AFAP1L2: variants seen among roughly 807,000 people sequenced by gnomAD.
The protein encoded by AFAP1L2 is actin filament associated protein 1 like 2.
AFAP1L2 carries 46 observed loss-of-function variants against 99.3 expected under a neutral mutation model. That is an observed-to-expected ratio of 0.46 (90% CI 0.37 to 0.59). AFAP1L2 has a LOEUF of 0.59. AFAP1L2 is among the 20% of genes least tolerant of loss of function. The pLI is 0.00. For missense variants in AFAP1L2, 959 were observed against 1,034.9 expected, an observed-to-expected ratio of 0.93 and a Z score of 1.01; for synonymous variants, 397 against 419.1, an observed-to-expected ratio of 0.95 and a Z score of 0.64.
At chr10:114,306,021 G>C (rs151145908) in intron 10 of AFAP1L2, among the ~76,000 whole-genome samples, 2 of 110,242 alleles carry the variant, frequency 1.8e-5, no homozygotes, top group Middle Eastern at 4.6e-3. Flanking sequence ...AGGAGGGGAC[G>C]CAGATGCAGG....
At chr10:114,395,824 A>ACCAGACGCGGGCCTTGGGGCTGCC (rs372646552) in intron 1 of AFAP1L2, among the ~76,000 whole-genome samples, 2,527 of 152,148 alleles carry the variant, frequency 0.017, 85 homozygotes, top group African/African-American at 0.056. Context: ...TTGCACTCAA[A>ACCAGACGCGGGCCTTGGGGCTGCC]CCAGACGCGG....
chr10:114,301,343 C>G lies in AFAP1L2; in HGVS notation c.1542+11G>C. ...GGAGAGGCCCAGGCCACTGCCTGGC[C>G]GGGTCCTTACCGCAGCTGTGAGCTC... On this transcript the variant is annotated intron_variant, in intron 13 of 18. Transcript: ENST00000304129. The G allele has an allele frequency of 6.2e-7, 1 of 1,609,396 alleles. No homozygotes were observed.
downstream of AFAP1L2, among the ~76,000 whole-genome samples, chr10:114,294,617 T>G (rs1188578919): frequency 6.6e-6 from 1 of 152,218 alleles, no homozygotes; most frequent in African/African-American, 2.4e-5. Context: ...TATGATCAAT[T>G]TCTGCAGATG....
chr10:114,310,955 A>T lies in AFAP1L2; in HGVS notation c.793-512T>A, dbSNP rs967866578. Among the ~76,000 whole-genome samples the T allele has an allele frequency of 3.8e-5, 5 of 130,440 alleles. No homozygotes were observed. The South Asian group carries it at 1.3e-3, about 34-fold the overall frequency. The allele number at this position is 130,440 out of a possible 152,430, so 85.6% of individuals were successfully genotyped here. ...TGGCTCTCCCGACTCGCCTGCCGCC[A>T]CCCACCCGCCCGCCCGCCTCTGGGA... On this transcript the variant is annotated intron_variant, in intron 7 of 18. Coordinates refer to ENST00000304129, the MANE Select transcript of AFAP1L2 (RefSeq NM_001001936.3).
chr10:114,303,069 G>C (rs2041508923), intron 11 of AFAP1L2, among the ~76,000 whole-genome samples: 1 of 151,804 alleles, frequency 6.6e-6, no homozygotes, highest in South Asian at 2.1e-4. Flanking sequence ...TTTTTTTCCA[G>C]GGGACAATGC....
In AFAP1L2 at chr10:114,300,343, G is replaced by C; in HGVS notation, c.1808C>G (p.Pro603Arg). 1 of 1,614,194 alleles carries C rather than the reference G, an allele frequency of 6.2e-7. No individual in the cohort carries two copies. The highest frequency in any genetic ancestry group is 8.5e-7 in the Non-Finnish European group (1 of 1,180,022). ...GGTGATTCTCAGGGAAGGATCCTCTGGCTCCAAACTCTCCAGCTGCTTTGG... is the reference window on the plus strand; with the variant it reads ...GGTGATTCTCAGGGAAGGATCCTCTCGCTCCAAACTCTCCAGCTGCTTTGG... ...LGEQQLESLE[P>R]EDPSLRITTV... Residue 603 changes from proline to arginine, a missense_variant, in exon 15 of 19, where the codon CCA (proline) becomes CGA (arginine). This residue lies in a region of AFAP1L2 where 576 missense variants were observed against 562.1 expected (regional missense o/e 1.02). Transcript: ENST00000304129.
intron 2 of AFAP1L2, among the ~76,000 whole-genome samples, chr10:114,339,676 A>T (rs980779899): frequency 5.3e-5 from 8 of 152,098 alleles, no homozygotes; most frequent in Non-Finnish European, 5.9e-5. Flanking sequence ...AAAATAAGAT[A>T]ATTAGGGTGA....
In AFAP1L2 at chr10:114,352,078, G is replaced by C. The variant is rs111423673; in HGVS notation, c.17-11347C>G. 7.6e-3 allele frequency among the ~76,000 whole-genome samples: 1,161 copies of C among 152,228 alleles called. 15 individuals are homozygous for C. The highest frequency in any genetic ancestry group is 0.027 in the African/African-American group (1,120 of 41,530). ...GCTTATACTACATTAAATGTTAGTT[G>C]CTAAATAAAACCCTCATTCCTCTTA... On this transcript the variant is annotated intron_variant, in intron 1 of 18. Coordinates refer to ENST00000304129, the MANE Select transcript of AFAP1L2 (RefSeq NM_001001936.3).
At chr10:114,404,633 C>T (rs2058559003), upstream of AFAP1L2, 1 of 893,476 alleles carries the variant, frequency 1.1e-6, no homozygotes, top group Non-Finnish European at 1.5e-6. Flanking sequence ...GGCTCGCCCC[C>T]AGCGCCCCTG....
In AFAP1L2 at chr10:114,377,456, G is replaced by A. The variant is rs1439919232; in HGVS notation, c.16+26984C>T. Among the ~76,000 whole-genome samples, 1 of 152,198 alleles carries A rather than the reference G, an allele frequency of 6.6e-6. No individual in the cohort carries two copies. Among genetic ancestry groups the A allele is most frequent in the Non-Finnish European group, 1.5e-5 (1 of 68,032 alleles). The stretch of plus-strand genomic sequence containing the variant: ...CCCATCAAGTTGTGGTGGGGTGGTG[G>A]ATGGGAGGACACAAACGTTTGTTGA... On this transcript the variant is annotated intron_variant, in intron 1 of 18. Transcript: ENST00000304129. This position sits in a 1 kb window ranked among gnomAD's most constrained non-coding sequence, Gnocchi z 4.0.
intron 1 of AFAP1L2, among the ~76,000 whole-genome samples, chr10:114,358,830 G>C (rs1042428358): frequency 6.6e-6 from 1 of 152,078 alleles, no homozygotes; most frequent in South Asian, 2.1e-4. Flanking sequence ...CAGGAGAATC[G>C]CTTGAACCCG....
At chr10:114,349,709 G>C (rs1045073527) in intron 1 of AFAP1L2, among the ~76,000 whole-genome samples, 2 of 150,850 alleles carry the variant, frequency 1.3e-5, no homozygotes, top group African/African-American at 4.9e-5. Context: ...AGTCATTTCT[G>C]CCTGCTTGAA....
intron 1 of AFAP1L2, among the ~76,000 whole-genome samples, chr10:114,348,557 C>T (rs2049956809): frequency 1.3e-5 from 2 of 152,188 alleles, no homozygotes; most frequent in African/African-American, 4.8e-5. Flanking sequence ...CTCTGCTGGG[C>T]ACTTCTGCAC....
intron 15 of AFAP1L2, 85 bp downstream of exon 15, chr10:114,300,109 A>G (rs1006526031): frequency 2.5e-6 from 4 of 1,572,302 alleles, no homozygotes; most frequent in African/African-American, 2.7e-5. Context: ...CCTTTCATAT[A>G]TACATCTATC....
chr10:114,318,860 T>C (rs1256267845), intron 5 of AFAP1L2, among the ~76,000 whole-genome samples: 3 of 151,706 alleles, frequency 2.0e-5, no homozygotes, highest in East Asian at 2.0e-4. Flanking sequence ...ACCACAAACA[T>C]TGCATATTCT....
At chr10:114,371,140 A>G (rs1413787259) in intron 1 of AFAP1L2, among the ~76,000 whole-genome samples, 3 of 152,222 alleles carry the variant, frequency 2.0e-5, no homozygotes, top group African/African-American at 7.2e-5. Flanking sequence ...GCTGGCTGGC[A>G]GGGCCAAGCT....
downstream of AFAP1L2, among the ~76,000 whole-genome samples, chr10:114,290,588 A>G (rs1382048172): frequency 1.3e-5 from 2 of 152,244 alleles, no homozygotes; most frequent in Non-Finnish European, 2.9e-5. Context: ...CTCTGCCCTC[A>G]TGGAGCTTCC....
chr10:114,297,789 C>T (rs1192922330), intron 16 of AFAP1L2, among the ~76,000 whole-genome samples: 1 of 152,200 alleles, frequency 6.6e-6, no homozygotes, highest in African/African-American at 2.4e-5. Context: ...TACCAAGTTC[C>T]CTCAATCCTC....
At chr10:114,318,779 G>GGA (rs1413806439) in intron 5 of AFAP1L2, among the ~76,000 whole-genome samples, 1 of 85,354 alleles carries the variant, frequency 1.2e-5, no homozygotes, top group African/African-American at 3.4e-5. Flanking sequence ...TCATACTCCT[G>GGA]GAGTATCTTG....
Sources: gnomAD v4.1 joint callset for allele counts (sites outside exome capture counted in the v4.1 genomes callset) on GRCh38, gnomAD v4.1.1 for gene constraint, gnomAD v4.1.1 regional missense constraint, Gnocchi (gnomAD v3.1) non-coding constraint, MANE v1.5 for transcripts, NCBI Gene and HGNC (gene_info 2026-07-23, HGNC 2026-07-21) for gene names.